The following GNA13 variants were observed in gnomAD, a reference collection of about 807,000 sequenced individuals.
GNA13 encodes G protein subunit alpha 13, also known as guanine nucleotide-binding protein subunit alpha-13.
In GNA13, 4 loss-of-function variants were observed where a neutral mutation model predicts 33.5. That is an observed-to-expected ratio of 0.12 (90% confidence interval 0.06 to 0.27). GNA13 has a LOEUF of 0.27. Among genes scored for constraint, GNA13 ranks in the 10% least tolerant of loss-of-function variants. GNA13 has a pLI of 1.00. For missense variants in GNA13, 319 were observed against 487.2 expected, an observed-to-expected ratio of 0.65 and a Z score of 3.25; for synonymous variants, 176 against 183.8, an observed-to-expected ratio of 0.96 and a Z score of 0.34.
At chr17:65,024,167 C>T (rs1221236309) in intron 2 of GNA13, among the ~76,000 whole-genome samples, 2 of 152,164 alleles carry the variant, frequency 1.3e-5, no homozygotes, top group Non-Finnish European at 2.9e-5. Flanking sequence ...GTAGGATCAT[C>T]ACCTGAGCCC....
At chr17:65,021,363 C>A (rs2143778265) in intron 2 of GNA13, among the ~76,000 whole-genome samples, 1 of 152,298 alleles carries the variant, frequency 6.6e-6, no homozygotes, top group South Asian at 2.1e-4. Context: ...ATGTTGCCCC[C>A]ACTTCACAAC....
intron 1 of GNA13, chr17:65,055,506 G>T: frequency 3.9e-6 from 2 of 508,980 alleles, no homozygotes; most frequent in African/African-American, 2.1e-5. Context: ...AATAGAAGCA[G>T]TGGTACTCCC....
At chr17:65,055,854 C>G (rs1369397218) in intron 1 of GNA13, 2 of 643,900 alleles carry the variant, frequency 3.1e-6, no homozygotes, top group Non-Finnish European at 3.9e-6. Flanking sequence ...CCATGTGACT[C>G]GGGTCACCCA....
chr17:65,023,265 T>G (rs938808706), intron 2 of GNA13, among the ~76,000 whole-genome samples: 1 of 152,212 alleles, frequency 6.6e-6, no homozygotes, highest in Non-Finnish European at 1.5e-5. Flanking sequence ...GGGAAACACA[T>G]GAATCTATTG....
chr17:65,034,571 T>TAAAGGTG (rs886243976), intron 2 of GNA13, among the ~76,000 whole-genome samples: 6 of 151,998 alleles, frequency 3.9e-5, no homozygotes, highest in African/African-American at 7.3e-5. Context: ...GTGCTGGGAT[T>TAAAGGTG]AAAGGTGTGA....
At chr17:65,033,954 A>C (rs1468160797) in intron 2 of GNA13, among the ~76,000 whole-genome samples, 2 of 134,982 alleles carry the variant, frequency 1.5e-5, no homozygotes, top group Non-Finnish European at 3.1e-5. Flanking sequence ...CGGAGGTTGC[A>C]GTGAGCCAAG....
At chr17:65,048,234 C>CA (rs961674232) in intron 2 of GNA13, among the ~76,000 whole-genome samples, 47 of 150,890 alleles carry the variant, frequency 3.1e-4, no homozygotes, top group South Asian at 1.0e-3. Flanking sequence ...ATAAATTAAA[C>CA]AAAAAAAAAT....
At chr17:65,049,597 A>T (rs1907789715) in intron 2 of GNA13, among the ~76,000 whole-genome samples, 1 of 152,202 alleles carries the variant, frequency 6.6e-6, no homozygotes, top group Non-Finnish European at 1.5e-5. Context: ...AGGAGTAAGC[A>T]TGCTAGGGAA....
At chr17:65,019,691 G>A (rs1390215664) in intron 2 of GNA13, among the ~76,000 whole-genome samples, 1 of 152,174 alleles carries the variant, frequency 6.6e-6, no homozygotes, top group Non-Finnish European at 1.5e-5. Context: ...GGGTTGGGGT[G>A]GCAGGAGGTG....
chr17:65,019,707 G>A lies in GNA13; in HGVS notation c.511-1404C>T, dbSNP rs964504996. Among the ~76,000 whole-genome samples, 4 of 152,156 alleles carry A rather than the reference G, an allele frequency of 2.6e-5. No homozygotes were observed. In the East Asian group the frequency reaches 5.8e-4, roughly 22 times the overall value. On this transcript the variant is annotated intron_variant, in intron 2 of 3. Transcript: ENST00000439174. ...GGTTGGGGTGGCAGGAGGTGGGGAC[G>A]GCTAATAGGTACAAAAGATAGTTAA...
intron 2 of GNA13, among the ~76,000 whole-genome samples, chr17:65,039,871 G>C (rs919014257): frequency 2.0e-5 from 3 of 152,150 alleles, no homozygotes; most frequent in African/African-American, 7.2e-5. Flanking sequence ...TGACTGCATG[G>C]CTGCTGAAAG....
chr17:65,018,092 TAAAA>T (rs767082596), intron 3 of GNA13, among the ~76,000 whole-genome samples, 157 bp downstream of exon 3: 249 of 21,474 alleles, frequency 0.012, 5 homozygotes, highest in South Asian at 0.02. Context: ...ACGCCACCAC[TAAAA>T]AAAAAAAAAA....
chr17:65,056,387 C>A lies in GNA13; in HGVS notation c.207G>T (p.Arg69=). The change falls in exon 1 of 4, where the codon CGG becomes CGT. Residue 69 remains arginine, a synonymous_variant. Transcript: ENST00000439174. The stretch of plus-strand genomic sequence containing the variant: ...GGTCGAAGTCCTGCCCGTGGATGAT[C>A]CGCATCTGCTTCAGGAAGGTGGACT... ...SGKSTFLKQM[R]IIHGQDFDQR... 6.2e-7 allele frequency: 1 copy of A among 1,613,656 alleles called. No individual in the cohort carries two copies.
chr17:65,049,406 A>T (rs1907781478), intron 2 of GNA13, among the ~76,000 whole-genome samples: 1 of 152,088 alleles, frequency 6.6e-6, no homozygotes, highest in South Asian at 2.1e-4. Context: ...CAGGTATTTT[A>T]TTTTTTTAGA....
rs1393597696 is a variant in GNA13, at chr17:65,010,331, A to C, written c.*3926T>G. ...ACTTGTTTAAAATGTTCAGACTTAG[A>C]CTTACACTTCAAGATCTAGTATACA... On this transcript the variant is annotated 3_prime_UTR_variant, in exon 4 of 4. Coordinates refer to ENST00000439174, the MANE Select transcript of GNA13 (RefSeq NM_006572.6). Among the ~76,000 whole-genome samples the C allele has an allele frequency of 6.6e-6, 1 of 152,062 alleles. No individual in the cohort carries two copies. The highest frequency in any genetic ancestry group is 2.4e-5 in the African/African-American group (1 of 41,392).
At chr17:65,019,048 GC>G (rs1359484496) in intron 2 of GNA13, among the ~76,000 whole-genome samples, 1 of 152,100 alleles carries the variant, frequency 6.6e-6, no homozygotes, top group Non-Finnish European at 1.5e-5. Context: ...TCACTTTCCC[GC>G]GGGATTCTAC....
At chr17:65,030,600 A>T (rs1330522430) in intron 2 of GNA13, among the ~76,000 whole-genome samples, 5 of 152,288 alleles carry the variant, frequency 3.3e-5, no homozygotes. Flanking sequence ...ATCACTGCTT[A>T]ATCTTGTAAA....
chr17:65,043,978 C>T (rs1054215003), intron 2 of GNA13, among the ~76,000 whole-genome samples: 4 of 151,918 alleles, frequency 2.6e-5, no homozygotes, highest in Non-Finnish European at 4.4e-5. Flanking sequence ...AAAAACTAGC[C>T]GGGTGTGGTA....
chr17:65,033,335 A>T, intron 2 of GNA13, among the ~76,000 whole-genome samples: 1 of 151,598 alleles, frequency 6.6e-6, no homozygotes, highest in East Asian at 1.9e-4. Context: ...AAAAAGAAGA[A>T]ATCAGCTGGG....
Sources: allele counts gnomAD v4.1 joint callset (sites outside exome capture counted in the v4.1 genomes callset), GRCh38; gene constraint gnomAD v4.1.1; transcripts MANE v1.5; gene names NCBI Gene and HGNC (gene_info 2026-07-23, HGNC 2026-07-21).